The following DISC1 variants were observed in gnomAD, a reference collection of about 807,000 sequenced individuals.
DISC1 encodes DISC1 scaffold protein, also known as disrupted in schizophrenia 1 protein.
Under a neutral mutation model 84.5 loss-of-function variants are expected in DISC1, and 57 were observed. That is an observed-to-expected ratio of 0.67 (90% CI 0.55 to 0.84). DISC1 has a LOEUF of 0.84. Among genes scored for constraint, DISC1 ranks in the 40% least tolerant of loss-of-function variants. DISC1 has a pLI of 0.00. For synonymous variants in DISC1, 411 were observed against 415.2 expected (o/e 0.99, Z 0.12); for missense variants, 1,000 against 1,057.8 (o/e 0.95, Z 0.76).
At chr1:231,708,432 G>A in intron 3 of DISC1, among the ~76,000 whole-genome samples, 1 of 152,146 alleles carries the variant, frequency 6.6e-6, no homozygotes, top group East Asian at 1.9e-4. Flanking sequence ...AACAATGTTG[G>A]GATTTCCTCA....
At chr1:231,963,586 G>A (rs962357401) in intron 10 of DISC1, among the ~76,000 whole-genome samples, 1 of 151,616 alleles carries the variant, frequency 6.6e-6, no homozygotes, top group Admixed American at 6.6e-5. Context: ...TCTCCTCTGT[G>A]CAACCTTCCC....
rs550623705 is a variant in DISC1 at position 231,983,049 on chromosome 1, G to A, written c.2042+24161G>A. 1.1e-3 allele frequency among the ~76,000 whole-genome samples: 171 copies of A among 152,284 alleles called. 1 individual carries two copies. Among genetic ancestry groups the A allele is most frequent in the Admixed American group, 3.5e-3 (53 of 15,298 alleles). The stretch of plus-strand genomic sequence containing the variant: ...ACCACCCATAGGACTGAGATACAGG[G>A]TTTCCTGCCCCCAAGATAAGACCAG... On this transcript the variant is annotated intron_variant, in intron 10 of 12. Transcript: ENST00000439617.
intron 10 of DISC1, among the ~76,000 whole-genome samples, chr1:231,978,869 G>T (rs1663190045): frequency 6.6e-6 from 1 of 152,302 alleles, no homozygotes; most frequent in African/African-American, 2.4e-5. Flanking sequence ...AAATCCTGTA[G>T]ATCAGGGGTC....
At chr1:231,711,365 T>C in intron 3 of DISC1, among the ~76,000 whole-genome samples, 1 of 147,730 alleles carries the variant, frequency 6.8e-6, no homozygotes, top group Non-Finnish European at 1.5e-5. Context: ...TTCTTTTTTT[T>C]TTTTTTTTTT....
At position 231,803,893 on chromosome 1, in the gene DISC1, GC is replaced by G. The variant is rs751197071; in HGVS notation, c.1792+3686del. Among the ~76,000 whole-genome samples, 3 of 139,078 alleles carry G rather than the reference GC, an allele frequency of 2.2e-5. No individual in the cohort carries two copies. The South Asian group carries it at 7.2e-4, about 33-fold the overall frequency. 91.2% of individuals were successfully genotyped at this position (139,078 alleles called of 152,430 possible). On this transcript the variant is annotated intron_variant, in intron 8 of 12. Transcript: ENST00000439617. ...AACCGGGAGGCGGAGCTTGCGGTGA[GC>G]CCATATCGCGCCACTACACTCCAGC...
At chr1:231,756,106 T>A (rs2075086280) in intron 4 of DISC1, among the ~76,000 whole-genome samples, 1 of 152,240 alleles carries the variant, frequency 6.6e-6, no homozygotes, top group African/African-American at 2.4e-5. Flanking sequence ...CAATAGACAC[T>A]TACTGAAATA....
At chr1:231,986,107 T>A (rs1664394037) in intron 10 of DISC1, among the ~76,000 whole-genome samples, 2 of 152,172 alleles carry the variant, frequency 1.3e-5, no homozygotes, top group Non-Finnish European at 2.9e-5. Flanking sequence ...AGTGAAATTG[T>A]ACACTAGAAT....
rs188598746 is a variant in DISC1, at chr1:231,850,748, G to A, written c.1981+32231G>A. On this transcript the variant is annotated intron_variant, in intron 9 of 12. Coordinates refer to ENST00000439617, the MANE Select transcript of DISC1 (RefSeq NM_018662.3). The stretch of plus-strand genomic sequence containing the variant: ...TTCTATCAGAATTGTTTTAAATATG[G>A]TAAAGTGGGGCACTTCTATTTAAAG... Among the ~76,000 whole-genome samples the A allele has an allele frequency of 2.2e-4, 34 of 152,296 alleles. No homozygotes were observed. In the Middle Eastern group the frequency reaches 0.014, roughly 61 times the overall value.
chr1:231,929,658 G>A (rs1157407683), intron 9 of DISC1, among the ~76,000 whole-genome samples: 1 of 152,216 alleles, frequency 6.6e-6, no homozygotes, highest in Non-Finnish European at 1.5e-5. Context: ...GATTTTTGCA[G>A]ACTGTTCTGT....
Position 231,762,084 on chromosome 1 carries a change from TTC to T in DISC1, c.1269-5052_1269-5051del, listed in dbSNP as rs1324347363. Among the ~76,000 whole-genome samples, 4 of 152,172 alleles carry T rather than the reference TTC, an allele frequency of 2.6e-5. No individual in the cohort carries two copies. The East Asian group carries it at 7.7e-4, about 29-fold the overall frequency. On this transcript the variant is annotated intron_variant, in intron 4 of 12. Coordinates refer to ENST00000439617, the MANE Select transcript of DISC1 (RefSeq NM_018662.3). ...TCAGACACATTTTATCTTTTTTTCT[TTC>T]TCTTTTCTTTTTTCTTTCTTCTTTC...
intron 1 of DISC1, among the ~76,000 whole-genome samples, chr1:231,632,224 T>C (rs1025846970): frequency 6.6e-6 from 1 of 152,230 alleles, no homozygotes; most frequent in Non-Finnish European, 1.5e-5. Context: ...AATGACCTAA[T>C]GACACATTTC....
At chr1:231,652,376 T>G (rs1391245488) in intron 1 of DISC1, among the ~76,000 whole-genome samples, 1 of 152,242 alleles carries the variant, frequency 6.6e-6, no homozygotes, top group African/African-American at 2.4e-5. Context: ...CCATAGGTTT[T>G]CCAACTTGCT....
intron 9 of DISC1, among the ~76,000 whole-genome samples, chr1:231,923,763 AAGTT>A (rs1433135892): frequency 1.3e-5 from 2 of 152,164 alleles, no homozygotes; most frequent in East Asian, 3.8e-4. Flanking sequence ...GAGATGCTGA[AAGTT>A]AGCGCTGTGG....
chr1:231,691,136 A>C (rs2064952002), intron 1 of DISC1, among the ~76,000 whole-genome samples: 1 of 152,088 alleles, frequency 6.6e-6, no homozygotes, highest in East Asian at 1.9e-4. Context: ...AGAAAAGGCT[A>C]CTCAGGGGCT....
At chr1:231,742,945 A>G (rs2073493274) in intron 3 of DISC1, among the ~76,000 whole-genome samples, 1 of 152,202 alleles carries the variant, frequency 6.6e-6, no homozygotes, top group Non-Finnish European at 1.5e-5. Flanking sequence ...ACCCTTTTGA[A>G]GGTGAGTGGC....
rs1011065608 is a variant in DISC1 at position 231,840,770 on chromosome 1, C to T, written c.1981+22253C>T. On this transcript the variant is annotated intron_variant, in intron 9 of 12. Transcript: ENST00000439617. ...TCACCCAGGCTGGAGTGCAGTGGCG[C>T]GATCTCAGCTCACTGCAAGCTCCGC... Among the ~76,000 whole-genome samples the T allele has an allele frequency of 1.5e-4, 23 of 151,800 alleles. No homozygotes were observed. In the South Asian group the frequency reaches 3.3e-3, roughly 22 times the overall value.
At chr1:231,900,748 T>A (rs2088108799) in intron 9 of DISC1, among the ~76,000 whole-genome samples, 1 of 152,182 alleles carries the variant, frequency 6.6e-6, no homozygotes, top group Non-Finnish European at 1.5e-5. Context: ...GCTGATCTCC[T>A]AGGGTAAGAG....
chr1:231,942,528 G>T (rs1558761684), intron 9 of DISC1, among the ~76,000 whole-genome samples: 1 of 152,106 alleles, frequency 6.6e-6, no homozygotes, highest in Non-Finnish European at 1.5e-5. Context: ...AGCCTGGCGT[G>T]GTGTCACATG....
intron 10 of DISC1, among the ~76,000 whole-genome samples, chr1:231,979,991 T>G (rs1420751629): frequency 6.6e-6 from 1 of 152,200 alleles, no homozygotes; most frequent in Non-Finnish European, 1.5e-5. Context: ...TGCTTTCTAC[T>G]TAGTGATTGC....
Sources: allele counts gnomAD v4.1 joint callset (sites outside exome capture counted in the v4.1 genomes callset), GRCh38; gene constraint gnomAD v4.1.1; transcripts MANE v1.5; gene names NCBI Gene and HGNC (gene_info 2026-07-23, HGNC 2026-07-21).